The following GRIN2D variants were observed in gnomAD, a reference collection of about 807,000 sequenced individuals.
GRIN2D encodes the protein glutamate receptor ionotropic, NMDA 2D.
In GRIN2D, 37 loss-of-function variants were observed where a neutral mutation model predicts 103.2. The observed-to-expected ratio is 0.36, with a 90% CI of 0.28 to 0.47. The LOEUF is 0.47. GRIN2D is among the 20% of genes least tolerant of loss of function. The pLI is 1.00. For missense variants in GRIN2D, 1,557 were observed against 1,910.6 expected (o/e 0.81, Z 3.45); for synonymous variants, 845 against 885.6 (o/e 0.95, Z 0.81).
chr19:48,438,665 C>T (rs1232014961), intron 11 of GRIN2D, among the ~76,000 whole-genome samples: 1 of 152,090 alleles, frequency 6.6e-6, no homozygotes, highest in South Asian at 2.1e-4. Flanking sequence ...AACTCCTGAC[C>T]TCATGTGATC....
chr19:48,422,644 C>T (rs1470914656), intron 11 of GRIN2D, among the ~76,000 whole-genome samples: 1 of 151,924 alleles, frequency 6.6e-6, no homozygotes, highest in Non-Finnish European at 1.5e-5. Context: ...AGTTAGTCCA[C>T]TCAGAACATT....
At chr19:48,428,641 G>A (rs906169737) in intron 11 of GRIN2D, among the ~76,000 whole-genome samples, 1 of 152,118 alleles carries the variant, frequency 6.6e-6, no homozygotes, top group Admixed American at 6.6e-5. Flanking sequence ...TGGATTACAG[G>A]CGTGAGCCAC....
intron 11 of GRIN2D, among the ~76,000 whole-genome samples, chr19:48,422,883 G>A (rs966797160): frequency 2.5e-4 from 38 of 152,136 alleles, no homozygotes; most frequent in African/African-American, 8.9e-4. Flanking sequence ...CTTCAGGTCA[G>A]GAGTTGGAGA....
intron 2 of GRIN2D, among the ~76,000 whole-genome samples, chr19:48,396,157 A>G (rs903561019): frequency 1.7e-4 from 26 of 151,568 alleles, no homozygotes; most frequent in African/African-American, 6.3e-4. Flanking sequence ...ACGGAGGCTC[A>G]TGAGGAGGTA....
chr19:48,421,924 C>T lies in GRIN2D; in HGVS notation c.2231C>T (p.Ala744Val), dbSNP rs1971029732. The T allele has an allele frequency of 1.9e-6, 3 of 1,614,054 alleles. No individual in the cohort carries two copies. The highest frequency in any genetic ancestry group is 2.5e-6 in the Non-Finnish European group (3 of 1,179,956). ...TACAACCAGCCCCGCGTAGAGGAAGCGCTCACTCAGCTCAAGGCAGGGTCA... is the reference window on the plus strand; with the variant it reads ...TACAACCAGCCCCGCGTAGAGGAAGTGCTCACTCAGCTCAAGGCAGGGTCA... ...VRYNQPRVEE[A>V]LTQLKAGKLD... The change falls in exon 11 of 14, where the codon GCG becomes GTG. Residue 744 changes from alanine to valine, a missense_variant. Ala to Val is a moderately conservative substitution (Grantham distance 64, BLOSUM62 0). Transcript: ENST00000263269. This position sits in a 1 kb window ranked among gnomAD's most constrained non-coding sequence, Gnocchi z 4.8.
At chr19:48,441,661 C>T (rs1323781378) in intron 11 of GRIN2D, 108 bp from the exon 12 acceptor site, 1 of 821,476 alleles carries the variant, frequency 1.2e-6, no homozygotes, top group East Asian at 2.6e-5. Context: ...GAGCTCAGGG[C>T]CAGTTAGGAT....
intron 11 of GRIN2D, among the ~76,000 whole-genome samples, chr19:48,440,136 G>T (rs1051478202): frequency 5.3e-5 from 8 of 152,004 alleles, no homozygotes; most frequent in African/African-American, 1.9e-4. Context: ...CCTTGAACCT[G>T]GGAGGTGGAG....
In GRIN2D at chr19:48,441,972, G is replaced by A; in HGVS notation, c.2440+16G>A. On this transcript the variant is annotated intron_variant, in intron 12 of 13. Coordinates refer to ENST00000263269, the MANE Select transcript of GRIN2D (RefSeq NM_000836.4). ...CTGGGGGATGGTGCGGCTGCACACA[G>A]GGATTTCCACAGCGGAGAGGGGGAG... 6.3e-7 allele frequency: 1 copy of A among 1,595,560 alleles called. No homozygotes were observed. Among genetic ancestry groups the A allele is most frequent in the Non-Finnish European group, 8.5e-7 (1 of 1,171,842 alleles).
intron 8 of GRIN2D, among the ~76,000 whole-genome samples, chr19:48,418,424 C>T (rs1006869832): frequency 6.6e-6 from 1 of 151,984 alleles, no homozygotes; most frequent in Admixed American, 6.6e-5. Context: ...GGACTTTGTC[C>T]TGGGGGTGCT....
chr19:48,424,654 C>T (rs189493899), intron 11 of GRIN2D, among the ~76,000 whole-genome samples: 1 of 152,020 alleles, frequency 6.6e-6, no homozygotes, highest in African/African-American at 2.4e-5. Flanking sequence ...TGGGTGAGAC[C>T]GTTTACATAA....
chr19:48,443,353 G>A lies in GRIN2D; in HGVS notation c.3427G>A (p.Glu1143Lys), dbSNP rs754660714. ...CGCCGACTTCCCTTACCCGTATGCC[G>A]AGCGCCTCGGGCCGCCGCCCGGCCG... Reference protein sequence around the residue: ...WFADFPYPYAERLGPPPGRYW... With the variant: ...WFADFPYPYAKRLGPPPGRYW... Residue 1143 changes from glutamate (E) to lysine (K), a missense_variant, in exon 14 of 14, where the codon GAG (glutamate) becomes AAG (lysine). This residue lies in a region of GRIN2D where 632 missense variants were observed against 572.8 expected (regional missense o/e 1.10). Coordinates refer to ENST00000263269, the MANE Select transcript of GRIN2D (RefSeq NM_000836.4). The surrounding 1 kb of genome is among the most constrained non-coding windows in gnomAD (Gnocchi z 8.9). 2.0e-6 allele frequency: 3 copies of A among 1,510,984 alleles called. No homozygotes were observed. Among genetic ancestry groups the A allele is most frequent in the East Asian group, 2.7e-5 (1 of 36,434 alleles). The allele number at this position is 1,510,984 out of a possible 1,614,324, so 93.6% of individuals were successfully genotyped here.
At chr19:48,428,342 C>A (rs534594795) in intron 11 of GRIN2D, among the ~76,000 whole-genome samples, 6 of 146,074 alleles carry the variant, frequency 4.1e-5, no homozygotes, top group Non-Finnish European at 7.5e-5. Context: ...CAGTCAAGCT[C>A]CCCCCTCCCC....
intron 11 of GRIN2D, among the ~76,000 whole-genome samples, chr19:48,434,898 C>T (rs907761679): frequency 4.6e-5 from 7 of 151,988 alleles, no homozygotes; most frequent in Non-Finnish European, 8.8e-5. Flanking sequence ...GTTTTAATTT[C>T]ATTTTAATTG....
Position 48,444,246 on chromosome 19 carries a change from T to G in GRIN2D, c.*309T>G. Reference sequence around the variant, plus strand: ...GCGGGAGGTGGGGGGTTCACGCCACTCCCGCGTCCCACCTCCACGCCCGGG... The same window carrying G: ...GCGGGAGGTGGGGGGTTCACGCCACGCCCGCGTCCCACCTCCACGCCCGGG... On this transcript the variant is annotated 3_prime_UTR_variant, in exon 14 of 14. Transcript: ENST00000263269. This position sits in a 1 kb window ranked among gnomAD's most constrained non-coding sequence, Gnocchi z 5.5. The G allele has an allele frequency of 1.6e-5, 4 of 246,138 alleles. No individual in the cohort carries two copies. Among genetic ancestry groups the G allele is most frequent in the East Asian group, 7.2e-5 (1 of 13,822 alleles). The allele number at this position is 246,138 out of a possible 1,614,324, so 15.2% of individuals were successfully genotyped here. A position where few individuals can be genotyped will look rare whatever the true frequency, so the allele number is the denominator to read the frequency against.
At chr19:48,412,890 G>GGAGGCT (rs1475664662) in intron 4 of GRIN2D, among the ~76,000 whole-genome samples, 1 of 150,260 alleles carries the variant, frequency 6.7e-6, no homozygotes, top group Non-Finnish European at 1.5e-5. Flanking sequence ...CAACACTTTG[G>GGAGGCT]GAGGCTGAGG....
intron 3 of GRIN2D, among the ~76,000 whole-genome samples, chr19:48,404,245 A>G (rs1402644335): frequency 1.3e-5 from 2 of 151,788 alleles, no homozygotes; most frequent in Non-Finnish European, 2.9e-5. Flanking sequence ...CATCTCAAAA[A>G]AAAAAAAAAA....
chr19:48,427,199 T>A (rs533147185), intron 11 of GRIN2D, among the ~76,000 whole-genome samples: 6 of 151,944 alleles, frequency 3.9e-5, no homozygotes, highest in South Asian at 4.2e-4. Context: ...CAGGCACCTG[T>A]AATCCCAGCT....
intron 11 of GRIN2D, among the ~76,000 whole-genome samples, chr19:48,423,067 C>T (rs995655695): frequency 8.6e-5 from 13 of 151,770 alleles, no homozygotes; most frequent in South Asian, 2.1e-4. Flanking sequence ...AAAAATTAGC[C>T]GGGCGTGGTG....
In GRIN2D at chr19:48,444,455, TG is replaced by T. The variant is rs1971358016; in HGVS notation, c.*520del. ...AGACTGTGACATCCGACTCCTAAAA[TG>T]GTCATCCGACTCCAGACTGTGACCC... On this transcript the variant is annotated 3_prime_UTR_variant, in exon 14 of 14. Transcript: ENST00000263269. The surrounding 1 kb of genome is among the most constrained non-coding windows in gnomAD (Gnocchi z 5.5). 1.3e-5 allele frequency: 2 copies of T among 152,828 alleles called. No homozygotes were observed. Among genetic ancestry groups the T allele is most frequent in the Non-Finnish European group, 2.9e-5 (2 of 68,414 alleles). The allele number at this position is 152,828 out of a possible 1,614,324, so 9.5% of individuals were successfully genotyped here. A position where few individuals can be genotyped will look rare whatever the true frequency, so the allele number is the denominator to read the frequency against.
Sources: allele counts gnomAD v4.1 joint callset (sites outside exome capture counted in the v4.1 genomes callset), GRCh38; gene constraint gnomAD v4.1.1; regional missense constraint gnomAD v4.1.1; non-coding constraint Gnocchi (gnomAD v3.1); transcripts MANE v1.5; gene names NCBI Gene and HGNC (gene_info 2026-07-23, HGNC 2026-07-21).